The following SPATA22 variants were observed in gnomAD, a reference collection of about 807,000 sequenced individuals.
SPATA22 encodes the protein spermatogenesis-associated protein 22.
Under a neutral mutation model 47.8 loss-of-function variants are expected in SPATA22, and 29 were observed. That is an observed-to-expected ratio of 0.61 (90% CI 0.45 to 0.83). SPATA22 has a LOEUF of 0.83. SPATA22 is among the 40% of genes least tolerant of loss of function. The pLI is 0.00. For synonymous variants in SPATA22, 133 were observed against 140.9 expected (o/e 0.94, Z 0.40); for missense variants, 410 against 421.7 (o/e 0.97, Z 0.24).
chr17:3,462,038 C>T (rs1183376491), intron 5 of SPATA22, among the ~76,000 whole-genome samples: 1 of 152,166 alleles, frequency 6.6e-6, no homozygotes, highest in Non-Finnish European at 1.5e-5. Flanking sequence ...GCATCACAGC[C>T]TCCATTTTTC....
At chr17:3,508,406 A>G (rs186045704) in intron 1 of SPATA22, among the ~76,000 whole-genome samples, 13 of 152,074 alleles carry the variant, frequency 8.5e-5, no homozygotes, top group African/African-American at 2.9e-4. Context: ...CTGGGTATAT[A>G]CCCAACGGAC....
intron 1 of SPATA22, 43 bp downstream of exon 1, chr17:3,471,639 C>T: frequency 2.0e-6 from 2 of 985,438 alleles, no homozygotes; most frequent in Non-Finnish European, 2.4e-6. Flanking sequence ...AAAGGCCTCT[C>T]CTGACCCGCC....
At chr17:3,467,164 A>T (rs1242820784) in intron 3 of SPATA22, among the ~76,000 whole-genome samples, 1 of 152,098 alleles carries the variant, frequency 6.6e-6, no homozygotes, top group Non-Finnish European at 1.5e-5. Context: ...AAGAAAAAAT[A>T]TTTTTTACAA....
chr17:3,455,380 T>A (rs1478195459), intron 5 of SPATA22, among the ~76,000 whole-genome samples: 1 of 151,566 alleles, frequency 6.6e-6, no homozygotes, highest in Non-Finnish European at 1.5e-5. Context: ...CATGCCTATG[T>A]CCTGAATGGT....
At chr17:3,441,440 G>T (rs1353024729) in intron 8 of SPATA22, 1 of 151,964 alleles carries the variant, frequency 6.6e-6, no homozygotes, top group East Asian at 1.9e-4. Context: ...CTAGGGAATT[G>T]TAAAGAAATG....
At chr17:3,472,580 C>T (rs2073459570), upstream of SPATA22, 1 of 152,262 alleles carries the variant, frequency 6.6e-6, no homozygotes, top group Non-Finnish European at 1.5e-5. Flanking sequence ...TGCCCAGTAA[C>T]TGTTAGCCCT....
chr17:3,448,331 C>G (rs1567593554), intron 6 of SPATA22, among the ~76,000 whole-genome samples: 1 of 152,166 alleles, frequency 6.6e-6, no homozygotes, highest in Admixed American at 6.6e-5. Flanking sequence ...AGTGTCCATT[C>G]ATTTATGTAT....
intron 6 of SPATA22, among the ~76,000 whole-genome samples, chr17:3,447,091 G>A (rs2072743541): frequency 6.6e-6 from 1 of 152,058 alleles, no homozygotes; most frequent in South Asian, 2.1e-4. Context: ...TTGTCTAGTG[G>A]AGGATTTAAA....
At chr17:3,477,356 G>A (rs1158333037) in intron 1 of SPATA22, among the ~76,000 whole-genome samples, 1 of 152,146 alleles carries the variant, frequency 6.6e-6, no homozygotes, top group East Asian at 1.9e-4. Flanking sequence ...AACATGCTAG[G>A]TTAGGTCCTT....
rs375440961 is a variant in SPATA22, at chr17:3,490,500, C to A, written c.-73-21102G>T. On this transcript the variant is annotated intron_variant, in intron 1 of 8. Transcript: ENST00000541913. This position sits in a 1 kb window ranked among gnomAD's most constrained non-coding sequence, Gnocchi z 4.6. ...ATAATAACAGAGGGGGTGTGTACTTCGGTGTCTGTGGGGAGTGAATTCCTC... is the reference window on the plus strand; with the variant it reads ...ATAATAACAGAGGGGGTGTGTACTTAGGTGTCTGTGGGGAGTGAATTCCTC... Among the ~76,000 whole-genome samples, 1 of 152,032 alleles carries A rather than the reference C, an allele frequency of 6.6e-6. No homozygotes were observed. The highest frequency in any genetic ancestry group is 1.5e-5 in the Non-Finnish European group (1 of 68,014).
chr17:3,513,792 G>A, exon 1 of SPATA22: 1 of 767,440 alleles, frequency 1.3e-6, no homozygotes, highest in Non-Finnish European at 2.2e-6. Flanking sequence ...GAGCACGAGG[G>A]TGCACTCTGC....
Position 3,488,539 on chromosome 17 carries a change from C to G in SPATA22, c.-73-19141G>C, listed in dbSNP as rs188130858. On this transcript the variant is annotated intron_variant, in intron 1 of 8. Transcript: ENST00000541913. This position sits in a 1 kb window ranked among gnomAD's most constrained non-coding sequence, Gnocchi z 6.1. ...AGGAATGGTGGCCCGTGCCTGTAAT[C>G]CCAGCTACTCGGGAGGCTGAGGCAG... 6.6e-6 allele frequency among the ~76,000 whole-genome samples: 1 copy of G among 152,158 alleles called. No homozygotes were observed. The highest frequency in any genetic ancestry group is 1.9e-4 in the East Asian group (1 of 5,192).
Position 3,443,222 on chromosome 17 carries a change from A to G in SPATA22, c.852T>C (p.Phe284=), listed in dbSNP as rs1202063866. ...GAGTATTTTTCCCATCCCTCATAAG[A>G]AAAGTCTTCGAATAATATGGGCCAG... ...VTPGPYYSKT[F]LMRDGKNTLP... The change falls in exon 8 of 9, where the codon TTT becomes TTC. Residue 284 remains phenylalanine (F), a synonymous_variant. Transcript: ENST00000572969. The G allele has an allele frequency of 2.5e-6, 4 of 1,611,070 alleles. No individual in the cohort carries two copies. The African/African-American group carries it at 4.0e-5, about 16-fold the overall frequency.
chr17:3,511,098 A>C (rs548765059), intron 1 of SPATA22: 2 of 152,356 alleles, frequency 1.3e-5, no homozygotes, highest in African/African-American at 4.8e-5. Flanking sequence ...AATTACTGAA[A>C]TGTCAATCAC....
chr17:3,481,405 CATTAGTT>C (rs1310623422), intron 1 of SPATA22, among the ~76,000 whole-genome samples: 1 of 152,154 alleles, frequency 6.6e-6, no homozygotes, highest in Non-Finnish European at 1.5e-5. Flanking sequence ...GCCAATGCAA[CATTAGTT>C]ATATGGAATC....
intron 3 of SPATA22, among the ~76,000 whole-genome samples, chr17:3,463,368 C>T (rs114455716): frequency 0.023 from 3,520 of 152,248 alleles, 54 homozygotes; most frequent in Non-Finnish European, 0.029. Flanking sequence ...GCCTATTGTT[C>T]CTAGGCTACA....
At chr17:3,469,032 T>C (rs549619257) in intron 2 of SPATA22, 25 of 348,224 alleles carry the variant, frequency 7.2e-5, no homozygotes, top group South Asian at 1.3e-4. Flanking sequence ...TTTTAAAGCA[T>C]AGAATAACTC....
chr17:3,465,088 G>A (rs1459712917), intron 3 of SPATA22, among the ~76,000 whole-genome samples: 4 of 127,652 alleles, frequency 3.1e-5, no homozygotes, highest in East Asian at 2.4e-4. Flanking sequence ...CCCTCCACCC[G>A]GCAGCCACCC....
intron 8 of SPATA22, chr17:3,441,917 C>T (rs1186755529): frequency 6.6e-6 from 1 of 151,948 alleles, no homozygotes; most frequent in Admixed American, 6.6e-5. Flanking sequence ...ATGTATGATA[C>T]TATTTTTATA....
Sources: gnomAD v4.1 joint callset for allele counts (sites outside exome capture counted in the v4.1 genomes callset) on GRCh38, gnomAD v4.1.1 for gene constraint, Gnocchi (gnomAD v3.1) non-coding constraint, MANE v1.5 for transcripts, NCBI Gene and HGNC (gene_info 2026-07-23, HGNC 2026-07-21) for gene names.